LRP1B: variants seen among roughly 807,000 people sequenced by gnomAD.
The protein encoded by LRP1B is low-density lipoprotein receptor-related protein 1B.
A neutral mutation model predicts 556.6 loss-of-function variants in LRP1B; 217 were observed. The observed-to-expected ratio is 0.39, with a 90% CI of 0.35 to 0.44. The LOEUF is 0.44. Among genes scored for constraint, LRP1B ranks in the 20% least tolerant of loss-of-function variants. The pLI is 1.00. For synonymous variants in LRP1B, 2,047 were observed against 1,865.8 expected (o/e 1.10, Z -2.50); for missense variants, 5,053 against 5,620.8 (o/e 0.90, Z 3.23).
chr2:141,242,316 G>A (rs968381937), intron 5 of LRP1B, among the ~76,000 whole-genome samples: 1 of 152,046 alleles, frequency 6.6e-6, no homozygotes, highest in Admixed American at 6.6e-5. Flanking sequence ...ACTTATGTTA[G>A]TAGATGTTAA....
At chr2:140,324,409 A>G (rs1290611614) in intron 80 of LRP1B, among the ~76,000 whole-genome samples, 1 of 152,092 alleles carries the variant, frequency 6.6e-6, no homozygotes, top group Non-Finnish European at 1.5e-5. Flanking sequence ...TAGTATACAA[A>G]CAGGCAATTT....
chr2:140,264,806 T>G (rs903587569), intron 86 of LRP1B, among the ~76,000 whole-genome samples: 5 of 151,928 alleles, frequency 3.3e-5, no homozygotes, highest in Admixed American at 3.3e-4. Context: ...TCAATCAATA[T>G]TTACTATATC....
chr2:140,699,215 T>A (rs1216566499), intron 41 of LRP1B, among the ~76,000 whole-genome samples: 1 of 152,080 alleles, frequency 6.6e-6, no homozygotes, highest in Admixed American at 6.6e-5. Context: ...AGCTTACCTT[T>A]AGTATAGAAC....
At position 141,292,152 on chromosome 2, in the gene LRP1B, C is replaced by A. The variant is rs185022739; in HGVS notation, c.344-37511G>T. 3.9e-5 allele frequency among the ~76,000 whole-genome samples: 6 copies of A among 152,184 alleles called. No individual in the cohort carries two copies. The South Asian group carries it at 8.3e-4, about 21-fold the overall frequency. On this transcript the variant is annotated intron_variant, in intron 3 of 90. Transcript: ENST00000389484. Reference sequence around the variant, plus strand: ...CAAACCCTATTGTGACCTGTGCATGCGAGGGATCTAGGTTGTGCGCTCCTT... The same window carrying A: ...CAAACCCTATTGTGACCTGTGCATGAGAGGGATCTAGGTTGTGCGCTCCTT...
rs1427492294 is a variant in LRP1B at position 141,965,345 on chromosome 2, C to G, written c.83-154944G>C. 1.5e-3 allele frequency among the ~76,000 whole-genome samples: 47 copies of G among 30,618 alleles called. 1 individual carries two copies. Among genetic ancestry groups the G allele is most frequent in the African/African-American group, 5.7e-3 (41 of 7,152 alleles). The allele number at this position is 30,618 out of a possible 152,430, so 20.1% of individuals were successfully genotyped here. On this transcript the variant is annotated intron_variant, in intron 1 of 90. Coordinates refer to ENST00000389484, the MANE Select transcript of LRP1B (RefSeq NM_018557.3). ...ACAATAGCAAAGACTTGGAACCAACCCAAATGTCCAACAATGATAGACTGG... is the reference window on the plus strand; with the variant it reads ...ACAATAGCAAAGACTTGGAACCAACGCAAATGTCCAACAATGATAGACTGG...
chr2:140,729,550 T>G lies in LRP1B; in HGVS notation c.5759-12734A>C, dbSNP rs950852756. Among the ~76,000 whole-genome samples, 7 of 152,170 alleles carry G rather than the reference T, an allele frequency of 4.6e-5. No homozygotes were observed. The East Asian group carries it at 1.3e-3, about 29-fold the overall frequency. On this transcript the variant is annotated intron_variant, in intron 35 of 90. Coordinates refer to ENST00000389484, the MANE Select transcript of LRP1B (RefSeq NM_018557.3). The stretch of plus-strand genomic sequence containing the variant: ...TTCAGGAAAAAAAATACACAATGAT[T>G]CTTTTTATGAACAAATTCCCGCTTT...
chr2:140,341,409 G>A (rs1205156568), intron 77 of LRP1B, among the ~76,000 whole-genome samples: 3 of 151,372 alleles, frequency 2.0e-5, no homozygotes, highest in Non-Finnish European at 4.4e-5. Context: ...GTCTTTCTTT[G>A]AGCATGTCCC....
chr2:142,103,342 T>G (rs1324935363), intron 1 of LRP1B, among the ~76,000 whole-genome samples: 1 of 151,976 alleles, frequency 6.6e-6, no homozygotes, highest in Non-Finnish European at 1.5e-5. Flanking sequence ...GACCAAACTG[T>G]TAACTCAATG....
chr2:141,810,414 A>G lies in LRP1B; in HGVS notation c.83-13T>C, dbSNP rs368015698. On this transcript the variant is annotated splice_polypyrimidine_tract_variant and intron_variant, in intron 1 of 90. Transcript: ENST00000389484. ...CACAACTGCTGATCTGAAAATGAAA[A>G]TGTTTCGAAATAAAATATGAATGAT... The G allele has an allele frequency of 2.0e-5, 33 of 1,611,750 alleles. No homozygotes were observed. Among genetic ancestry groups the G allele is most frequent in the Admixed American group, 6.7e-5 (4 of 59,800 alleles).
At chr2:142,057,528 G>A (rs959666883) in intron 1 of LRP1B, among the ~76,000 whole-genome samples, 2 of 152,136 alleles carry the variant, frequency 1.3e-5, no homozygotes, top group Non-Finnish European at 2.9e-5. Flanking sequence ...TGATGATCTG[G>A]AAAACTGTTG....
At chr2:140,759,982 CTA>C (rs1185088850) in intron 35 of LRP1B, among the ~76,000 whole-genome samples, 1 of 151,956 alleles carries the variant, frequency 6.6e-6, no homozygotes, top group East Asian at 1.9e-4. Flanking sequence ...GCTTAAGTTA[CTA>C]TATCATGAAG....
chr2:140,972,763 C>T (rs1021828245), intron 18 of LRP1B, among the ~76,000 whole-genome samples: 2 of 151,132 alleles, frequency 1.3e-5, no homozygotes, highest in African/African-American at 2.4e-5. Flanking sequence ...ATCATGACTC[C>T]GAAACTGAGA....
chr2:141,892,915 T>A (rs940164011), intron 1 of LRP1B, among the ~76,000 whole-genome samples: 1 of 152,184 alleles, frequency 6.6e-6, no homozygotes, highest in Non-Finnish European at 1.5e-5. Flanking sequence ...AATCTGAGCT[T>A]CACCATTATG....
chr2:140,926,440 C>T (rs1028101455), intron 20 of LRP1B, among the ~76,000 whole-genome samples: 3 of 152,022 alleles, frequency 2.0e-5, no homozygotes, highest in Non-Finnish European at 4.4e-5. Flanking sequence ...CTCCTGGACT[C>T]ATACAGTTCT....
At chr2:141,099,578 C>T (rs1485440223) in intron 7 of LRP1B, among the ~76,000 whole-genome samples, 3 of 152,208 alleles carry the variant, frequency 2.0e-5, no homozygotes, top group East Asian at 3.9e-4. Flanking sequence ...CACATCTCTG[C>T]ACACTTGCAC....
intron 41 of LRP1B, among the ~76,000 whole-genome samples, chr2:140,686,137 A>G (rs1487547340): frequency 6.6e-6 from 1 of 152,150 alleles, no homozygotes; most frequent in Non-Finnish European, 1.5e-5. Flanking sequence ...TGTTTTTAAG[A>G]TAAAAAGGAT....
At position 140,357,974 on chromosome 2, in the gene LRP1B, C is replaced by T. The variant is rs77178150; in HGVS notation, c.11395+5G>A. Reference sequence around the variant, plus strand: ...GGTGCTTTGCTTAACAGAAAACAAGCTCACCTATTCTGCATCCTTGCTCAT... The same window carrying T: ...GGTGCTTTGCTTAACAGAAAACAAGTTCACCTATTCTGCATCCTTGCTCAT... On this transcript the variant is annotated splice_donor_5th_base_variant and intron_variant, in intron 74 of 90. Transcript: ENST00000389484. 1.6e-4 allele frequency: 249 copies of T among 1,605,128 alleles called. 2 individuals are homozygous for T. In the East Asian group the frequency reaches 5.1e-3, roughly 33 times the overall value.
rs373983727 is a variant in LRP1B at position 140,841,013 on chromosome 2, C to G, written c.5019G>C (p.Thr1673=). ...LYWISSEFDE[T]QINVARLDGS... The stretch of plus-strand genomic sequence containing the variant: ...CATCTAGCCTTGCCACATTAATTTG[C>G]GTTTCATCAAATTCTGAGCTAATCC... The change falls in exon 30 of 91, where the codon ACG becomes ACC. Residue 1673 remains threonine (T), a synonymous_variant. Transcript: ENST00000389484. The G allele has an allele frequency of 1.9e-6, 3 of 1,612,798 alleles. No individual in the cohort carries two copies. The South Asian group carries it at 3.3e-5, about 18-fold the overall frequency.
intron 23 of LRP1B, among the ~76,000 whole-genome samples, chr2:140,888,190 G>T (rs58330114): frequency 6.6e-6 from 1 of 151,978 alleles, no homozygotes; most frequent in African/African-American, 2.4e-5. Context: ...ACCCTCCTCA[G>T]ATCTGAAAAA....
Sources: allele counts gnomAD v4.1 joint callset (sites outside exome capture counted in the v4.1 genomes callset), GRCh38; gene constraint gnomAD v4.1.1; transcripts MANE v1.5; gene names NCBI Gene and HGNC (gene_info 2026-07-23, HGNC 2026-07-21).